The following KCNA3 variants were observed in gnomAD, a reference collection of about 807,000 sequenced individuals.
KCNA3 encodes RP11-284N8.3.
KCNA3 carries 18 observed loss-of-function variants against 34.3 expected under a neutral mutation model. The ratio of observed to expected loss-of-function variants is 0.52; its 90% confidence interval spans 0.36 to 0.78. The LOEUF (loss-of-function observed/expected upper bound fraction) is 0.78. Among genes scored for constraint, KCNA3 ranks in the 30% least tolerant of loss-of-function variants. The pLI is 0.00. For synonymous variants in KCNA3, 324 were observed against 351.7 expected (o/e 0.92, Z 0.88); for missense variants, 587 against 802.5 (o/e 0.73, Z 3.24).
Position 110,673,857 on chromosome 1 carries a change from G to A in KCNA3, c.953C>T (p.Pro318Leu). 1.2e-6 allele frequency: 2 copies of A among 1,614,146 alleles called. No homozygotes were observed. The highest frequency in any genetic ancestry group is 1.7e-6 in the Non-Finnish European group (2 of 1,180,028). The change falls in exon 1 of 1, where the codon CCT becomes CTT. Residue 318 changes from proline (P) to leucine (L), a missense_variant. Coordinates refer to ENST00000369769, the MANE Select transcript of KCNA3 (RefSeq NM_002232.5). The surrounding 1 kb of genome is among the most constrained non-coding windows in gnomAD (Gnocchi z 8.8). ...FELLVRFFAC[P>L]SKATFSRNIM... ...GTTTCGCGAGAAGGTGGCTTTGCTA[G>A]GACAAGCGAAGAACCGCACCAGCAG...
At chr1:110,666,158 A>G in the KCNA3 span, among the ~76,000 whole-genome samples, 1 of 152,238 alleles carries the variant, frequency 6.6e-6, no homozygotes, top group South Asian at 2.1e-4. Flanking sequence ...GCACCTTAAA[A>G]TCACTGGTAC....
chr1:110,672,811 A>C lies in KCNA3; in HGVS notation c.*271T>G. 1 of 381,222 alleles carries C rather than the reference A, an allele frequency of 2.6e-6. No individual in the cohort carries two copies. Among genetic ancestry groups the C allele is most frequent in the Non-Finnish European group, 4.7e-6 (1 of 212,544 alleles). The allele number at this position is 381,222 out of a possible 1,614,324, so 23.6% of individuals were successfully genotyped here. A position where few individuals can be genotyped will look rare whatever the true frequency, so the allele number is the denominator to read the frequency against. ...CTCTTTTTTAAATAGGGCGTGTACT[A>C]GAAATGAAGTTTAACGTAAGTCTGT... On this transcript the variant is annotated 3_prime_UTR_variant, in exon 1 of 1. Transcript: ENST00000369769.
At chr1:110,660,424 T>C in the KCNA3 span, among the ~76,000 whole-genome samples, 1 of 152,178 alleles carries the variant, frequency 6.6e-6, no homozygotes, top group African/African-American at 2.4e-5. Flanking sequence ...GGATTTTTTT[T>C]CCTGGCTGCC....
chr1:110,659,008 A>G, the KCNA3 span, among the ~76,000 whole-genome samples: 1 of 152,140 alleles, frequency 6.6e-6, no homozygotes, highest in East Asian at 1.9e-4. Context: ...CTTTAATACC[A>G]TTCATTTGGG....
chr1:110,661,357 G>A, the KCNA3 span, among the ~76,000 whole-genome samples: 1 of 152,044 alleles, frequency 6.6e-6, no homozygotes. Flanking sequence ...CCTTGATCTC[G>A]CAGACAGATC....
rs938394981 is a variant in KCNA3 at position 110,674,609 on chromosome 1, G to C, written c.201C>G (p.Ala67=). The C allele has an allele frequency of 3.2e-6, 5 of 1,562,052 alleles. No individual in the cohort carries two copies. Among genetic ancestry groups the C allele is most frequent in the Non-Finnish European group, 4.3e-6 (5 of 1,161,050 alleles). ...CTTGAGGCGGGGCCCCTCCACCATCGGCCACCTCCGGCTCCAGCAGGTGGT... is the reference window on the plus strand; with the variant it reads ...CTTGAGGCGGGGCCCCTCCACCATCCGCCACCTCCGGCTCCAGCAGGTGGT... ...PGDHLLEPEV[A]DGGGAPPQGG... Residue 67 remains alanine (A), a synonymous_variant, in exon 1 of 1, where the codon GCC becomes GCG. Coordinates refer to ENST00000369769, the MANE Select transcript of KCNA3 (RefSeq NM_002232.5). The surrounding 1 kb of genome is among the most constrained non-coding windows in gnomAD (Gnocchi z 6.4).
the KCNA3 span, among the ~76,000 whole-genome samples, chr1:110,662,456 T>C: frequency 6.6e-6 from 1 of 152,338 alleles, no homozygotes; most frequent in East Asian, 1.9e-4. Context: ...GAAGTCATTC[T>C]ATAGCATGTA....
the KCNA3 span, among the ~76,000 whole-genome samples, chr1:110,666,052 A>G: frequency 1.3e-5 from 2 of 152,190 alleles, no homozygotes; most frequent in African/African-American, 4.8e-5. Flanking sequence ...TATAACACAA[A>G]TAAATATAAA....
At chr1:110,654,644 T>C in the KCNA3 span, 1 of 152,164 alleles carries the variant, frequency 6.6e-6, no homozygotes, top group Non-Finnish European at 1.5e-5. Flanking sequence ...AGGGCTATAG[T>C]CTGGAGGTAT....
chr1:110,674,772 G>C lies in KCNA3; in HGVS notation c.38C>G (p.Pro13Arg). The C allele has an allele frequency of 7.4e-7, 1 of 1,344,656 alleles. No homozygotes were observed. The highest frequency in any genetic ancestry group is 3.1e-5 in the East Asian group (1 of 32,452). The allele number at this position is 1,344,656 out of a possible 1,614,324, so 83.3% of individuals were successfully genotyped here. The change falls in exon 1 of 1, where the codon CCG becomes CGG. Residue 13 changes from proline (P) to arginine (R), a missense_variant. This residue lies in a region of KCNA3 where 341 missense variants were observed against 355.4 expected (regional missense o/e 0.96). Coordinates refer to ENST00000369769, the MANE Select transcript of KCNA3 (RefSeq NM_002232.5). The surrounding 1 kb of genome is among the most constrained non-coding windows in gnomAD (Gnocchi z 6.4). ...GTGGGCGCGGTGGCGGGCTGAGGGC[G>C]GCGGCGGCGAGCGCAGAAGGCTGAG... The part of the protein sequence containing the change: ...ERLSLLRSPP[P>R]PSARHRAHPP...
rs201084914 is a variant in KCNA3 at position 110,673,064 on chromosome 1, T to C, written c.*18A>G. 15 of 1,591,710 alleles carry C rather than the reference T, an allele frequency of 9.4e-6. No homozygotes were observed. Among genetic ancestry groups the C allele is most frequent in the East Asian group, 2.2e-5 (1 of 44,826 alleles). On this transcript the variant is annotated 3_prime_UTR_variant, in exon 1 of 1. Transcript: ENST00000369769. The surrounding 1 kb of genome is among the most constrained non-coding windows in gnomAD (Gnocchi z 8.8). ...GTTCCACACAATACTGAGCACAGCA[T>C]GTCACTTGTATCACATATTAAACAT...
chr1:110,667,029 T>A, the KCNA3 span, among the ~76,000 whole-genome samples: 1 of 151,960 alleles, frequency 6.6e-6, no homozygotes, highest in Non-Finnish European at 1.5e-5. Context: ...AGAAAGTAAA[T>A]GTACTGCAGG....
Position 110,674,086 on chromosome 1 carries a change from G to A in KCNA3, c.724C>T (p.Leu242=). 6.2e-7 allele frequency: 1 copy of A among 1,609,574 alleles called. No individual in the cohort carries two copies. The highest frequency in any genetic ancestry group is 8.5e-7 in the Non-Finnish European group (1 of 1,177,924). ...PARGIAIVSV[L]VILISIVIFC... The stretch of plus-strand genomic sequence containing the variant: ...ATGACAATGGAGATGAGGATGACCA[G>A]CACGGACACGATGGCGATGCCCCGG... Residue 242 remains leucine, a synonymous_variant, in exon 1 of 1, where the codon CTG becomes TTG. Transcript: ENST00000369769. This position sits in a 1 kb window ranked among gnomAD's most constrained non-coding sequence, Gnocchi z 6.4.
chr1:110,673,192 T>C lies in KCNA3; in HGVS notation c.1618A>G (p.Ser540Gly), dbSNP rs1570801457. The C allele has an allele frequency of 1.2e-6, 2 of 1,614,142 alleles. No individual in the cohort carries two copies. The highest frequency in any genetic ancestry group is 1.7e-6 in the Non-Finnish European group (2 of 1,180,024). The change falls in exon 1 of 1, where the codon AGC (serine) becomes GGC (glycine). Residue 540 changes from serine (S) to glycine (G), a missense_variant. Coordinates refer to ENST00000369769, the MANE Select transcript of KCNA3 (RefSeq NM_002232.5). The surrounding 1 kb of genome is among the most constrained non-coding windows in gnomAD (Gnocchi z 8.8). ...MVIEEGGMNHSAFPQTPFKTG... is the reference protein window; with the variant it reads ...MVIEEGGMNHGAFPQTPFKTG... ...TTGAAAGGGGTCTGGGGGAAAGCGCTATGGTTCATACCCCCCTCTTCGATC... is the reference window on the plus strand; with the variant it reads ...TTGAAAGGGGTCTGGGGGAAAGCGCCATGGTTCATACCCCCCTCTTCGATC...
the KCNA3 span, among the ~76,000 whole-genome samples, chr1:110,658,640 G>T: frequency 6.6e-6 from 1 of 151,538 alleles, no homozygotes; most frequent in Non-Finnish European, 1.5e-5. Flanking sequence ...ATTTCTAAAA[G>T]AATATAAAAA....
At chr1:110,659,063 T>G in the KCNA3 span, among the ~76,000 whole-genome samples, 1 of 152,162 alleles carries the variant, frequency 6.6e-6, no homozygotes, top group Non-Finnish European at 1.5e-5. Context: ...GGCTAATCTA[T>G]GTATGAGAGC....
downstream of KCNA3, among the ~76,000 whole-genome samples, chr1:110,671,053 C>T (rs1384254391): frequency 6.6e-6 from 1 of 152,026 alleles, no homozygotes; most frequent in East Asian, 1.9e-4. Context: ...ATTTTTAACC[C>T]TTTTTTGTTT....
downstream of KCNA3, among the ~76,000 whole-genome samples, chr1:110,668,853 T>C (rs1363791930): frequency 6.6e-6 from 1 of 152,126 alleles, no homozygotes; most frequent in Non-Finnish European, 1.5e-5. Flanking sequence ...ACATAAGACG[T>C]GCAACTGAGC....
Position 110,673,346 on chromosome 1 carries a change from G to A in KCNA3, c.1464C>T (p.His488=). The change falls in exon 1 of 1, where the codon CAC becomes CAT. Residue 488 remains histidine (H), a synonymous_variant. Transcript: ENST00000369769. The surrounding 1 kb of genome is among the most constrained non-coding windows in gnomAD (Gnocchi z 8.8). The part of the protein sequence containing the change: ...VIVSNFNYFY[H]RETEGEEQSQ... ...ATTGCTCTTCCCCTTCTGTCTCCCGGTGGTAGAAGTAATTGAAGTTGGAAA... is the reference window on the plus strand; with the variant it reads ...ATTGCTCTTCCCCTTCTGTCTCCCGATGGTAGAAGTAATTGAAGTTGGAAA... The A allele has an allele frequency of 6.2e-7, 1 of 1,614,078 alleles. No homozygotes were observed. The highest frequency in any genetic ancestry group is 8.5e-7 in the Non-Finnish European group (1 of 1,180,024).
Sources: gnomAD v4.1 joint callset for allele counts (sites outside exome capture counted in the v4.1 genomes callset) on GRCh38, gnomAD v4.1.1 for gene constraint, gnomAD v4.1.1 regional missense constraint, Gnocchi (gnomAD v3.1) non-coding constraint, MANE v1.5 for transcripts, NCBI Gene and HGNC (gene_info 2026-07-23, HGNC 2026-07-21) for gene names.